The following COBLL1 variants were observed in gnomAD, a reference collection of about 807,000 sequenced individuals.
COBLL1 encodes the protein cordon-bleu protein-like 1.
COBLL1 carries 50 observed loss-of-function variants against 94.8 expected under a neutral mutation model. The observed-to-expected ratio is 0.53, with a 90% CI of 0.42 to 0.67. The LOEUF is 0.67. COBLL1 is among the 30% of genes least tolerant of loss of function. The pLI, the probability that COBLL1 is intolerant of heterozygous loss-of-function variation, is 0.00. For missense variants in COBLL1, 1,362 were observed against 1,348.7 expected, an observed-to-expected ratio of 1.01 and a Z score of -0.15; for synonymous variants, 448 against 473.8, an observed-to-expected ratio of 0.95 and a Z score of 0.71.
chr2:164,675,188 A>G (rs934271676), downstream of COBLL1, among the ~76,000 whole-genome samples: 2 of 152,172 alleles, frequency 1.3e-5, no homozygotes, highest in Non-Finnish European at 2.9e-5. Flanking sequence ...TGTTCTTCAC[A>G]TTGTGCAACA....
chr2:164,700,863 T>A, intron 9 of COBLL1, 107 bp from the exon 10 acceptor site: 1 of 692,714 alleles, frequency 1.4e-6, no homozygotes, highest in Non-Finnish European at 2.5e-6. Flanking sequence ...TGGACTCTTT[T>A]AAATTCTGCC....
At chr2:164,724,639 A>G (rs1685626344) in intron 5 of COBLL1, 1 of 152,202 alleles carries the variant, frequency 6.6e-6, no homozygotes, top group South Asian at 2.1e-4. Flanking sequence ...TATAATTTCA[A>G]TAACATTTGA....
intron 2 of COBLL1, among the ~76,000 whole-genome samples, chr2:164,771,216 C>T (rs188758337): frequency 2.6e-5 from 4 of 152,074 alleles, no homozygotes; most frequent in African/African-American, 9.6e-5. Flanking sequence ...CTTTAAGAAA[C>T]CACAGATGAC....
intron 2 of COBLL1, among the ~76,000 whole-genome samples, chr2:164,805,337 C>CATATATAAATATATATGTATAAA (rs1684066406): frequency 2.3e-4 from 4 of 17,050 alleles, no homozygotes; most frequent in African/African-American, 9.2e-4. Context: ...CTCTCTCTCT[C>CATATATAAATATATATGTATAAA]TATATATATA....
At chr2:164,818,412 A>G (rs1684954926) in intron 2 of COBLL1, among the ~76,000 whole-genome samples, 1 of 149,942 alleles carries the variant, frequency 6.7e-6, no homozygotes, top group Admixed American at 6.7e-5. Flanking sequence ...ACATATATAC[A>G]TATTTACAAT....
chr2:164,714,882 A>G (rs1055895304), intron 7 of COBLL1, among the ~76,000 whole-genome samples: 1 of 152,192 alleles, frequency 6.6e-6, no homozygotes, highest in African/African-American at 2.4e-5. Context: ...GACTTTTTAC[A>G]TACTAATAGA....
At chr2:164,760,892 G>A (rs1008573957) in intron 2 of COBLL1, among the ~76,000 whole-genome samples, 2 of 152,052 alleles carry the variant, frequency 1.3e-5, no homozygotes, top group African/African-American at 4.8e-5. Context: ...GGTAATATAC[G>A]CTGATAATCT....
At chr2:164,818,649 CAT>C (rs1365964375) in intron 2 of COBLL1, among the ~76,000 whole-genome samples, 11 of 147,080 alleles carry the variant, frequency 7.5e-5, no homozygotes, top group South Asian at 2.1e-4. Flanking sequence ...CATATGTAAA[CAT>C]ATATAGCGTA....
At chr2:164,841,929 C>A, upstream of COBLL1, 1 of 1,509,170 alleles carries the variant, frequency 6.6e-7, no homozygotes, top group Non-Finnish European at 8.9e-7. The surrounding 1 kb of genome is among the most constrained non-coding windows in gnomAD (Gnocchi z 5.5). Flanking sequence ...GCGCTGGGGG[C>A]CTCGCTGGAG....
intron 2 of COBLL1, among the ~76,000 whole-genome samples, chr2:164,840,158 G>A (rs1683517018): frequency 6.6e-6 from 1 of 152,176 alleles, no homozygotes; most frequent in Admixed American, 6.5e-5. Flanking sequence ...AACTGTACAA[G>A]TCTCATTCAT....
At position 164,704,399 on chromosome 2, in the gene COBLL1, C is replaced by G. The variant is rs377569390; in HGVS notation, c.1225+45G>C. The G allele has an allele frequency of 3.3e-6, 4 of 1,215,730 alleles. No individual in the cohort carries two copies. The African/African-American group carries it at 6.0e-5, about 18-fold the overall frequency. The allele number at this position is 1,215,730 out of a possible 1,614,324, so 75.3% of individuals were successfully genotyped here. A position where few individuals can be genotyped will look rare whatever the true frequency, so the allele number is the denominator to read the frequency against. On this transcript the variant is annotated intron_variant, in intron 9 of 13. Transcript: ENST00000652658. ...GGACTCATTTCTCAATTATCATGGA[C>G]GTCCTTTTTCAGTAATTACACCATG... is the stretch of plus-strand genomic sequence containing the variant.
chr2:164,727,994 T>C lies in COBLL1; in HGVS notation c.636A>G (p.Glu212=), dbSNP rs753989669. ...CTCTGTTGACATCCATCGCATATAA[T>C]TCTCTTAGTCCCAGGTCATTAAGAG... The part of the protein sequence containing the change: ...TKSLNDLGLR[E]LYAMDVNRES... Residue 212 remains glutamate, a synonymous_variant, in exon 5 of 14, where the codon GAA becomes GAG. Transcript: ENST00000652658. The C allele has an allele frequency of 3.7e-6, 6 of 1,610,154 alleles. No individual in the cohort carries two copies. Among genetic ancestry groups the C allele is most frequent in the Non-Finnish European group, 5.1e-6 (6 of 1,176,582 alleles).
chr2:164,667,720 C>T (rs779692607), intron 1 of COBLL1, among the ~76,000 whole-genome samples: 1 of 152,124 alleles, frequency 6.6e-6, no homozygotes, highest in African/African-American at 2.4e-5. Context: ...ATAGAATTGA[C>T]GAGAGAGTTA....
intron 2 of COBLL1, among the ~76,000 whole-genome samples, chr2:164,786,710 T>G (rs1217069043): frequency 6.6e-6 from 1 of 152,180 alleles, no homozygotes; most frequent in Non-Finnish European, 1.5e-5. Context: ...CTTCCCAGAA[T>G]GGCTTCAGTG....
At chr2:164,714,704 T>A (rs958782709) in intron 7 of COBLL1, among the ~76,000 whole-genome samples, 1 of 152,134 alleles carries the variant, frequency 6.6e-6, no homozygotes, top group African/African-American at 2.4e-5. Context: ...TGCCCTGGCC[T>A]CTGTTAACAC....
intron 2 of COBLL1, among the ~76,000 whole-genome samples, chr2:164,752,218 C>T (rs717393): frequency 0.016 from 2,448 of 152,202 alleles, 26 homozygotes; most frequent in South Asian, 0.027. Flanking sequence ...TAACTCGTGT[C>T]CTTACTACAC....
chr2:164,749,592 C>T (rs1434878783), intron 2 of COBLL1, among the ~76,000 whole-genome samples: 1 of 152,054 alleles, frequency 6.6e-6, no homozygotes, highest in Non-Finnish European at 1.5e-5. Flanking sequence ...AATGAAACAA[C>T]AGAAGAATTT....
chr2:164,817,379 G>A (rs68157743), intron 2 of COBLL1, among the ~76,000 whole-genome samples: 31,517 of 124,236 alleles, frequency 0.25, 4,025 homozygotes, highest in African/African-American at 0.32. Flanking sequence ...AAAAAAAAAA[G>A]AAGAAGAAGA....
At chr2:164,783,845 G>A (rs1225410835) in intron 2 of COBLL1, among the ~76,000 whole-genome samples, 2 of 151,906 alleles carry the variant, frequency 1.3e-5, no homozygotes, top group Admixed American at 6.6e-5. Context: ...GCATGCCTGT[G>A]GTCTCAGTTA....
Sources: allele counts gnomAD v4.1 joint callset (sites outside exome capture counted in the v4.1 genomes callset), GRCh38; gene constraint gnomAD v4.1.1; non-coding constraint Gnocchi (gnomAD v3.1); transcripts MANE v1.5; gene names NCBI Gene and HGNC (gene_info 2026-07-23, HGNC 2026-07-21).